Variants in BLK observed in about 807,000 individuals in gnomAD.
The protein encoded by BLK is BLK proto-oncogene, Src family tyrosine kinase, also known as tyrosine-protein kinase Blk.
A neutral mutation model predicts 61.8 loss-of-function variants in BLK; 64 were observed. The ratio of observed to expected loss-of-function variants is 1.03; its 90% CI spans 0.85 to 1.27. The LOEUF (loss-of-function observed/expected upper bound fraction) is 1.27, where lower values mean the gene tolerates loss of function less well. Ranked by LOEUF, BLK falls within the 50% of genes most tolerant of loss-of-function variation. BLK has a pLI of 0.00. For synonymous variants in BLK, 351 were observed against 272.0 expected, an observed-to-expected ratio of 1.29 and a Z score of -2.86; for missense variants, 853 against 660.5, an observed-to-expected ratio of 1.29 and a Z score of -3.19.
At chr8:11,496,414 C>A (rs1229424435) in intron 1 of BLK, among the ~76,000 whole-genome samples, 1 of 151,978 alleles carries the variant, frequency 6.6e-6, no homozygotes, top group African/African-American at 2.4e-5. Flanking sequence ...ATTTTTTAAT[C>A]TTATTTTTTG....
chr8:11,526,307 G>T (rs77761580), intron 1 of BLK, among the ~76,000 whole-genome samples: 4 of 152,028 alleles, frequency 2.6e-5, no homozygotes, highest in Non-Finnish European at 5.9e-5. Context: ...AAATGTTTAC[G>T]TCTCAATTCA....
rs1437822776 is a variant in BLK at position 11,520,601 on chromosome 8, A to G, written c.-1-22623A>G. The stretch of plus-strand genomic sequence containing the variant: ...TAAAAGCTTGTTGTAACCTAAAGAA[A>G]AAGGAAACTTCCTAGATATCTTCTG... On this transcript the variant is annotated intron_variant, in intron 1 of 12. Coordinates refer to ENST00000259089, the MANE Select transcript of BLK (RefSeq NM_001715.3). 7.2e-5 allele frequency among the ~76,000 whole-genome samples: 11 copies of G among 152,116 alleles called. No homozygotes were observed. In the South Asian group the frequency reaches 1.9e-3, roughly 26 times the overall value.
At chr8:11,559,444 CACAAAT>C (rs1801383137) in intron 10 of BLK, among the ~76,000 whole-genome samples, 1 of 151,876 alleles carries the variant, frequency 6.6e-6, no homozygotes, top group Non-Finnish European at 1.5e-5. Context: ...CACACAGACA[CACAAAT>C]ACACAGACTC....
At chr8:11,537,168 A>G (rs1800166852) in intron 1 of BLK, among the ~76,000 whole-genome samples, 1 of 152,178 alleles carries the variant, frequency 6.6e-6, no homozygotes, top group East Asian at 1.9e-4. Context: ...CATGAATTTT[A>G]ACTCAAATTC....
intron 9 of BLK, 83 bp downstream of exon 9, chr8:11,556,920 G>C: frequency 4.2e-6 from 6 of 1,414,044 alleles, no homozygotes; most frequent in Non-Finnish European, 5.7e-6. Flanking sequence ...GCTGCGGTGG[G>C]TTCACCAGGC....
intron 1 of BLK, among the ~76,000 whole-genome samples, chr8:11,505,168 C>T (rs1798722280): frequency 6.6e-6 from 1 of 152,172 alleles, no homozygotes; most frequent in Admixed American, 6.5e-5. Context: ...CCTACCATGA[C>T]AAATACTATT....
At chr8:11,535,603 T>A (rs1321667315) in intron 1 of BLK, among the ~76,000 whole-genome samples, 1 of 152,230 alleles carries the variant, frequency 6.6e-6, no homozygotes, top group East Asian at 1.9e-4. Flanking sequence ...ACTGATGGAA[T>A]CAGAGCACGC....
At chr8:11,504,048 G>A (rs1292876446) in intron 1 of BLK, among the ~76,000 whole-genome samples, 1 of 152,148 alleles carries the variant, frequency 6.6e-6, no homozygotes, top group African/African-American at 2.4e-5. Context: ...TCACATCCAG[G>A]CACAGTGGCA....
At chr8:11,502,710 G>A (rs993362480) in intron 1 of BLK, among the ~76,000 whole-genome samples, 3 of 152,206 alleles carry the variant, frequency 2.0e-5, no homozygotes, top group African/African-American at 4.8e-5. Context: ...CATCACTGAC[G>A]GGGAGGCCGA....
At chr8:11,548,168 C>G (rs533147029) in intron 4 of BLK, 43 bp downstream of exon 4, 4 of 1,511,904 alleles carry the variant, frequency 2.6e-6, no homozygotes, top group South Asian at 2.3e-5. Flanking sequence ...CAGGACCCCC[C>G]TCCCCCACAT....
intron 12 of BLK, 74 bp downstream of exon 12, chr8:11,563,184 G>C: frequency 6.2e-7 from 1 of 1,603,428 alleles, no homozygotes; most frequent in South Asian, 1.1e-5. Flanking sequence ...CCTGTGCTTG[G>C]TGCCTGTGGC....
chr8:11,497,766 G>A (rs1453295557), intron 1 of BLK, among the ~76,000 whole-genome samples: 1 of 152,234 alleles, frequency 6.6e-6, no homozygotes, highest in East Asian at 1.9e-4. Context: ...GCATGCTGGG[G>A]TTTTGACAGG....
At chr8:11,503,336 G>A (rs1463099282) in intron 1 of BLK, among the ~76,000 whole-genome samples, 1 of 152,144 alleles carries the variant, frequency 6.6e-6, no homozygotes, top group African/African-American at 2.4e-5. Flanking sequence ...CTTGTGTGTA[G>A]GTGGGCACTC....
chr8:11,563,899 G>A lies in BLK; in HGVS notation c.1313-4G>A, dbSNP rs1247677257. The A allele has an allele frequency of 6.2e-7, 1 of 1,608,086 alleles. No individual in the cohort carries two copies. On this transcript the variant is annotated splice_polypyrimidine_tract_variant and splice_region_variant and intron_variant, in intron 12 of 12. Transcript: ENST00000259089. ...ACCCCCGCTTGCGGTCTCCTCTGCC[G>A]CAGGGATGAGCAACCCCGAGGTCAT...
At chr8:11,551,225 C>T (rs7841310) in intron 6 of BLK, among the ~76,000 whole-genome samples, 1,682 of 152,308 alleles carry the variant, frequency 0.011, 30 homozygotes, top group African/African-American at 0.039. Context: ...CAAAGTGGCA[C>T]AGACTGGGTG....
intron 1 of BLK, among the ~76,000 whole-genome samples, chr8:11,500,448 G>C (rs1003237912): frequency 2.0e-5 from 3 of 151,774 alleles, no homozygotes; most frequent in African/African-American, 7.3e-5. Flanking sequence ...TGCCTGCCTT[G>C]GCCTCCCAAA....
intron 3 of BLK, 120 bp downstream of exon 3, chr8:11,546,223 G>A (rs536815844): frequency 4.7e-5 from 58 of 1,227,578 alleles, no homozygotes; most frequent in South Asian, 2.4e-5. Flanking sequence ...AGAAAACGGG[G>A]AAGCTGAGAG....
At chr8:11,534,191 T>C (rs139839868) in intron 1 of BLK, among the ~76,000 whole-genome samples, 227 of 152,364 alleles carry the variant, frequency 1.5e-3, no homozygotes, top group Middle Eastern at 6.8e-3. Context: ...ACTGACTCCA[T>C]TGGGAAGTAA....
In BLK at chr8:11,524,602, C is replaced by T. The variant is rs182952618; in HGVS notation, c.-1-18622C>T. 1.2e-4 allele frequency among the ~76,000 whole-genome samples: 18 copies of T among 152,174 alleles called. No individual in the cohort carries two copies. In the East Asian group the frequency reaches 2.9e-3, roughly 24 times the overall value. On this transcript the variant is annotated intron_variant, in intron 1 of 12. Coordinates refer to ENST00000259089, the MANE Select transcript of BLK (RefSeq NM_001715.3). Reference sequence around the variant, plus strand: ...TAGAAAGGTTATGTATGCTCTTGAGCGTGGGAATCCCACTTGTGGGATTTT... The same window carrying T: ...TAGAAAGGTTATGTATGCTCTTGAGTGTGGGAATCCCACTTGTGGGATTTT...
Sources: allele counts gnomAD v4.1 joint callset (sites outside exome capture counted in the v4.1 genomes callset), GRCh38; gene constraint gnomAD v4.1.1; transcripts MANE v1.5; gene names NCBI Gene and HGNC (gene_info 2026-07-23, HGNC 2026-07-21).